TMEM132E: variants seen among roughly 807,000 people sequenced by gnomAD.
The protein encoded by TMEM132E is transmembrane protein 132E.
Under a neutral mutation model 78.5 loss-of-function variants are expected in TMEM132E, and 49 were observed. That is an observed-to-expected ratio of 0.62 (90% CI 0.50 to 0.79). The LOEUF is 0.79. Among genes scored for constraint, TMEM132E ranks in the 30% least tolerant of loss-of-function variants. The pLI, the probability that TMEM132E is intolerant of heterozygous loss-of-function variation, is 0.00. For synonymous variants in TMEM132E, 715 were observed against 670.6 expected (o/e 1.07, Z -1.02); for missense variants, 1,403 against 1,470.9 (o/e 0.95, Z 0.75).
chr17:34,585,565 G>A (rs1270273574), intron 1 of TMEM132E, among the ~76,000 whole-genome samples: 2 of 152,174 alleles, frequency 1.3e-5, no homozygotes, highest in African/African-American at 2.4e-5. Context: ...GAAGGGACTG[G>A]CCAAGCTCAC....
chr17:34,628,698 C>A lies in TMEM132E; in HGVS notation c.1134C>A (p.Pro378=). 6.3e-7 allele frequency: 1 copy of A among 1,599,750 alleles called. No individual in the cohort carries two copies. Residue 378 remains proline (P), a synonymous_variant, in exon 3 of 9, where the codon CCC becomes CCA. Transcript: ENST00000631683. ...TVDVAWAQST[P]LPPREGQGPL... is the part of the protein sequence containing the mutation. ...ATGTGGCCTGGGCTCAGAGCACACCCCTGCCCCCCAGGTGAGCCCGAGGTG... is the reference window on the plus strand; with the variant it reads ...ATGTGGCCTGGGCTCAGAGCACACCACTGCCCCCCAGGTGAGCCCGAGGTG...
chr17:34,599,271 AT>A (rs1260419290), intron 1 of TMEM132E, among the ~76,000 whole-genome samples: 1 of 152,242 alleles, frequency 6.6e-6, no homozygotes, highest in East Asian at 1.9e-4. Context: ...ATTAGGATGC[AT>A]TCTAGAAACC....
At position 34,638,073 on chromosome 17, in the gene TMEM132E, G is replaced by A. The variant is rs748601154; in HGVS notation, c.3066G>A (p.Pro1022=). Residue 1022 remains proline (P), a synonymous_variant, in exon 9 of 9, where the codon CCG becomes CCA. Transcript: ENST00000631683. ...AGTTCACCACCTTCACCACGCTGCC[G>A]TCAGAGGAGCTGGCCTATGACTCGG... ...RVKFTTFTTL[P]SEELAYDSVP... is the part of the protein sequence containing the mutation. The A allele has an allele frequency of 1.9e-6, 3 of 1,585,756 alleles. No individual in the cohort carries two copies. Among genetic ancestry groups the A allele is most frequent in the Non-Finnish European group, 1.7e-6 (2 of 1,166,018 alleles).
At chr17:34,616,252 G>A (rs1378581675) in intron 1 of TMEM132E, among the ~76,000 whole-genome samples, 4 of 152,136 alleles carry the variant, frequency 2.6e-5, no homozygotes, top group African/African-American at 9.7e-5. Context: ...CGCCCCTCCT[G>A]CTGGCCCCTC....
chr17:34,580,860 G>A lies in TMEM132E; in HGVS notation c.-217G>A, dbSNP rs913733991. The A allele has an allele frequency of 2.6e-5, 12 of 456,694 alleles. No individual in the cohort carries two copies. The highest frequency in any genetic ancestry group is 1.2e-4 in the African/African-American group (6 of 48,682). The allele number at this position is 456,694 out of a possible 1,614,324, so 28.3% of individuals were successfully genotyped here. A position where few individuals can be genotyped will look rare whatever the true frequency, so the allele number is the denominator to read the frequency against. On this transcript the variant is annotated 5_prime_UTR_variant, in exon 1 of 9. Transcript: ENST00000631683. ...GGGGAGGTGGAGGCTCCTCCCGCCCGGAGCTGCGCCCCCACCGGCTCCGAG... is the reference window on the plus strand; with the variant it reads ...GGGGAGGTGGAGGCTCCTCCCGCCCAGAGCTGCGCCCCCACCGGCTCCGAG...
chr17:34,609,558 G>A (rs1567715062), intron 1 of TMEM132E, among the ~76,000 whole-genome samples: 1 of 152,164 alleles, frequency 6.6e-6, no homozygotes, highest in Non-Finnish European at 1.5e-5. Flanking sequence ...AGCTCTGTCT[G>A]CCTCCCCTGC....
chr17:34,599,453 A>C (rs1227071097), intron 1 of TMEM132E, among the ~76,000 whole-genome samples: 1 of 152,090 alleles, frequency 6.6e-6, no homozygotes, highest in African/African-American at 2.4e-5. Context: ...AACCTCATTG[A>C]TGACACTTGC....
At chr17:34,619,430 C>A (rs1345115898) in intron 1 of TMEM132E, among the ~76,000 whole-genome samples, 3 of 148,330 alleles carry the variant, frequency 2.0e-5, no homozygotes, top group Non-Finnish European at 4.5e-5. Flanking sequence ...CCAGGCCTGT[C>A]CCCTGGAAAT....
chr17:34,636,154 C>G lies in TMEM132E; in HGVS notation c.2125C>G (p.Leu709Val), dbSNP rs141863942. 2,302 of 1,566,218 alleles carry G rather than the reference C, an allele frequency of 1.5e-3. 1 individual carries two copies. The highest frequency in any genetic ancestry group is 1.9e-3 in the Non-Finnish European group (2,163 of 1,159,180). The change falls in exon 8 of 9, where the codon CTA becomes GTA. Residue 709 changes from leucine to valine, a missense_variant. Leu to Val is a conservative substitution (Grantham distance 32). Coordinates refer to ENST00000631683, the MANE Select transcript of TMEM132E (RefSeq NM_001304438.2). The part of the protein sequence containing the change: ...RPSPGSSHTI[L>V]ATTAAQQTLS... ...CAGCCCTGGGAGCAGCCACACCATC[C>G]TAGCCACCACAGCTGCCCAACAGAC... is the stretch of plus-strand genomic sequence containing the variant.
intron 1 of TMEM132E, among the ~76,000 whole-genome samples, chr17:34,594,984 A>C (rs1906006099): frequency 6.6e-6 from 1 of 152,232 alleles, no homozygotes; most frequent in Admixed American, 6.5e-5. Flanking sequence ...ACAAGGATGC[A>C]AATAATTTCA....
chr17:34,631,319 C>T (rs1447984286), intron 5 of TMEM132E, among the ~76,000 whole-genome samples: 1 of 152,092 alleles, frequency 6.6e-6, no homozygotes, highest in Non-Finnish European at 1.5e-5. Context: ...TCACCCCCTT[C>T]AGAGAAGCCT....
chr17:34,591,342 T>C (rs1019713071), intron 1 of TMEM132E, among the ~76,000 whole-genome samples: 2 of 150,770 alleles, frequency 1.3e-5, no homozygotes, highest in African/African-American at 4.9e-5. Context: ...TCTTGCTCTG[T>C]CACCCAGGCT....
chr17:34,596,401 C>G (rs1906061076), intron 1 of TMEM132E, among the ~76,000 whole-genome samples: 1 of 152,198 alleles, frequency 6.6e-6, no homozygotes, highest in Non-Finnish European at 1.5e-5. Flanking sequence ...CAGAGCAGGA[C>G]TCTAGCTCAG....
intron 1 of TMEM132E, among the ~76,000 whole-genome samples, chr17:34,591,933 C>G (rs1222278571): frequency 1.3e-5 from 2 of 152,186 alleles, no homozygotes; most frequent in Admixed American, 1.3e-4. Flanking sequence ...TGAATGAGAT[C>G]CCACGGTGTG....
intron 1 of TMEM132E, among the ~76,000 whole-genome samples, chr17:34,618,495 G>T (rs996388061): frequency 6.6e-6 from 1 of 151,600 alleles, no homozygotes; most frequent in African/African-American, 2.4e-5. Flanking sequence ...GCCTCCCAAA[G>T]TGCTGGAATT....
chr17:34,612,865 G>A (rs565167839), intron 1 of TMEM132E, among the ~76,000 whole-genome samples: 1 of 149,762 alleles, frequency 6.7e-6, no homozygotes, highest in African/African-American at 2.5e-5. Flanking sequence ...TTCCGTCACT[G>A]GGGGGGGCAG....
Position 34,637,584 on chromosome 17 carries a change from C to G in TMEM132E, c.2577C>G (p.Thr859=), listed in dbSNP as rs1195542080. 1 of 1,600,514 alleles carries G rather than the reference C, an allele frequency of 6.2e-7. No homozygotes were observed. Among genetic ancestry groups the G allele is most frequent in the Non-Finnish European group, 8.5e-7 (1 of 1,176,658 alleles). The part of the protein sequence containing the change: ...LPAPEAPGPG[T]ASPVVPPTED... ...CACCGGAGGCTCCAGGCCCGGGCACCGCCAGCCCCGTCGTGCCACCCACAG... is the reference window on the plus strand; with the variant it reads ...CACCGGAGGCTCCAGGCCCGGGCACGGCCAGCCCCGTCGTGCCACCCACAG... The change falls in exon 9 of 9, where the codon ACC becomes ACG. Residue 859 remains threonine (T), a synonymous_variant. Coordinates refer to ENST00000631683, the MANE Select transcript of TMEM132E (RefSeq NM_001304438.2).
chr17:34,615,398 C>T (rs919422989), intron 1 of TMEM132E, among the ~76,000 whole-genome samples: 22 of 152,142 alleles, frequency 1.4e-4, no homozygotes, highest in African/African-American at 4.6e-4. Flanking sequence ...GAGGAAGTCA[C>T]ACTGAGCAGC....
intron 1 of TMEM132E, among the ~76,000 whole-genome samples, chr17:34,612,255 T>A (rs1181506354): frequency 6.6e-6 from 1 of 152,202 alleles, no homozygotes; most frequent in African/African-American, 2.4e-5. Context: ...AGCATGTAAC[T>A]GAGTCAGGGA....
Sources: gnomAD v4.1 joint callset for allele counts (sites outside exome capture counted in the v4.1 genomes callset) on GRCh38, gnomAD v4.1.1 for gene constraint, MANE v1.5 for transcripts, NCBI Gene and HGNC (gene_info 2026-07-23, HGNC 2026-07-21) for gene names.